Variants in SLIT2 observed in about 807,000 individuals in gnomAD.
SLIT2 encodes slit homolog 2 protein.
A neutral mutation model predicts 185.7 loss-of-function variants in SLIT2; 41 were observed. That is an observed-to-expected ratio of 0.22 (90% confidence interval 0.17 to 0.29). The LOEUF (loss-of-function observed/expected upper bound fraction) is 0.29, where lower values mean the gene tolerates loss of function less well. SLIT2 is among the 10% of genes least tolerant of loss of function. SLIT2 has a pLI of 1.00. For synonymous variants in SLIT2, 693 were observed against 680.2 expected, an observed-to-expected ratio of 1.02 and a Z score of -0.29; for missense variants, 1,571 against 1,909.0, an observed-to-expected ratio of 0.82 and a Z score of 3.30.
chr4:20,446,724 G>A (rs1711844198), intron 4 of SLIT2, among the ~76,000 whole-genome samples: 1 of 152,062 alleles, frequency 6.6e-6, no homozygotes, highest in South Asian at 2.1e-4. Context: ...TAAGTTTTAG[G>A]TACAGAATAT....
intron 4 of SLIT2, among the ~76,000 whole-genome samples, chr4:20,405,112 C>G (rs879653783): frequency 6.6e-6 from 1 of 151,702 alleles, no homozygotes; most frequent in Non-Finnish European, 1.5e-5. Context: ...ATTTCTTTGT[C>G]CAAAAAGTTT....
intron 4 of SLIT2, among the ~76,000 whole-genome samples, chr4:20,373,763 G>A (rs1577524943): frequency 6.6e-6 from 1 of 152,112 alleles, no homozygotes; most frequent in African/African-American, 2.4e-5. Context: ...GAATCTACTG[G>A]TAGAAACATA....
intron 28 of SLIT2, 124 bp from the exon 29 acceptor site, chr4:20,568,741 C>A (rs1324324585): frequency 1.5e-5 from 12 of 810,216 alleles, no homozygotes; most frequent in Admixed American, 1.0e-4. Flanking sequence ...TTTAAAAAAT[C>A]AATTTCTGGT....
intron 4 of SLIT2, among the ~76,000 whole-genome samples, chr4:20,378,239 C>T (rs1438488149): frequency 1.3e-5 from 2 of 152,058 alleles, no homozygotes; most frequent in Non-Finnish European, 2.9e-5. Context: ...TAGTAACATA[C>T]ATTTGCAAGT....
chr4:20,309,905 G>T (rs1717931531), intron 4 of SLIT2, among the ~76,000 whole-genome samples: 1 of 151,698 alleles, frequency 6.6e-6, no homozygotes, highest in African/African-American at 2.4e-5. Flanking sequence ...GACTACAGGC[G>T]CCCACCACCA....
chr4:20,367,545 A>C (rs992817998), intron 4 of SLIT2, among the ~76,000 whole-genome samples: 3 of 152,304 alleles, frequency 2.0e-5, no homozygotes, highest in Middle Eastern at 3.4e-3. Flanking sequence ...AAATATCCTA[A>C]GCATAAGCAA....
chr4:20,597,191 G>A (rs762453386), intron 32 of SLIT2, among the ~76,000 whole-genome samples: 3 of 151,188 alleles, frequency 2.0e-5, no homozygotes, highest in Non-Finnish European at 4.4e-5. Flanking sequence ...TCAGCCTCCC[G>A]AGTAGCTGGG....
intron 4 of SLIT2, among the ~76,000 whole-genome samples, chr4:20,396,573 C>A (rs1392863671): frequency 6.6e-6 from 1 of 151,584 alleles, no homozygotes; most frequent in African/African-American, 2.4e-5. Flanking sequence ...GAAAAGAGTT[C>A]TTTTAAAAAC....
intron 33 of SLIT2, 54 bp from the exon 34 acceptor site, chr4:20,609,959 C>T: frequency 6.6e-7 from 1 of 1,518,930 alleles, no homozygotes; most frequent in South Asian, 1.3e-5. Context: ...ATTTAACTAC[C>T]TTGCTTTAAT....
At chr4:20,567,424 A>G in intron 27 of SLIT2, 38 bp downstream of exon 27, 1 of 1,612,774 alleles carries the variant, frequency 6.2e-7, no homozygotes, top group South Asian at 1.1e-5. Context: ...GTTTGAGAGC[A>G]TAACTTTTCT....
chr4:20,617,380 G>A (rs1392737130), intron 35 of SLIT2, 59 bp from the exon 36 acceptor site: 39 of 1,519,134 alleles, frequency 2.6e-5, no homozygotes, highest in East Asian at 4.5e-5. Context: ...TATCACCTCC[G>A]TTCATTCTTA....
chr4:20,414,653 A>T (rs1381287533), intron 4 of SLIT2, among the ~76,000 whole-genome samples: 1 of 152,206 alleles, frequency 6.6e-6, no homozygotes, highest in African/African-American at 2.4e-5. Context: ...CTTGCATGAC[A>T]TCTTCCCTCC....
intron 4 of SLIT2, among the ~76,000 whole-genome samples, chr4:20,439,509 G>A (rs28398193): frequency 0.21 from 32,271 of 152,026 alleles, 3,712 homozygotes; most frequent in Non-Finnish European, 0.27. Flanking sequence ...TCTGTCTGTG[G>A]TATCTGGCTC....
chr4:20,523,948 C>T, intron 13 of SLIT2, 45 bp downstream of exon 13: 1 of 1,612,498 alleles, frequency 6.2e-7, no homozygotes, highest in South Asian at 1.1e-5. Flanking sequence ...ATTGTTTCCT[C>T]TCTGAATGTA....
At chr4:20,340,468 T>G (rs1720868729) in intron 4 of SLIT2, among the ~76,000 whole-genome samples, 1 of 152,194 alleles carries the variant, frequency 6.6e-6, no homozygotes, top group African/African-American at 2.4e-5. Context: ...TTAAAAACCT[T>G]GTAGTGCTAC....
At chr4:20,617,380 G>T in intron 35 of SLIT2, 59 bp from the exon 36 acceptor site, 1 of 1,519,256 alleles carries the variant, frequency 6.6e-7, no homozygotes, top group Non-Finnish European at 9.1e-7. Context: ...TATCACCTCC[G>T]TTCATTCTTA....
At chr4:20,516,591 A>G (rs982190884) in intron 11 of SLIT2, among the ~76,000 whole-genome samples, 1 of 151,976 alleles carries the variant, frequency 6.6e-6, no homozygotes, top group African/African-American at 2.4e-5. Flanking sequence ...TCTTTATGTG[A>G]TGATATTTCT....
intron 4 of SLIT2, among the ~76,000 whole-genome samples, chr4:20,450,031 A>G (rs1390893023): frequency 1.3e-5 from 2 of 152,210 alleles, no homozygotes; most frequent in Non-Finnish European, 2.9e-5. Flanking sequence ...GTTAGTAACT[A>G]AGAACCTGCA....
At chr4:20,400,284 A>AG (rs1726242471) in intron 4 of SLIT2, among the ~76,000 whole-genome samples, 1 of 151,704 alleles carries the variant, frequency 6.6e-6, no homozygotes, top group African/African-American at 2.4e-5. Flanking sequence ...TGGAGAAATG[A>AG]GGAGGCAATT....
Sources: gnomAD v4.1 joint callset for allele counts (sites outside exome capture counted in the v4.1 genomes callset) on GRCh38, gnomAD v4.1.1 for gene constraint, MANE v1.5 for transcripts, NCBI Gene and HGNC (gene_info 2026-07-23, HGNC 2026-07-21) for gene names.